CEP120: variants seen among roughly 807,000 people sequenced by gnomAD.
CEP120 encodes the protein centrosomal protein 120.
CEP120 carries 113 observed loss-of-function variants against 126.5 expected under a neutral mutation model. The ratio of observed to expected loss-of-function variants is 0.89; its 90% CI spans 0.77 to 1.04. The LOEUF is 1.04. Ranked by LOEUF, CEP120 falls within the 50% of genes least tolerant of loss-of-function variation. CEP120 has a pLI of 0.00. For missense variants in CEP120, 1,230 were observed against 1,155.7 expected, an observed-to-expected ratio of 1.06 and a Z score of -0.93; for synonymous variants, 400 against 394.3, an observed-to-expected ratio of 1.01 and a Z score of -0.17.
intron 18 of CEP120, among the ~76,000 whole-genome samples, chr5:123,354,089 T>TC (rs2126975744): frequency 6.6e-6 from 1 of 152,234 alleles, no homozygotes. Context: ...TTTCACTAAA[T>TC]CCCACACTTT....
intron 4 of CEP120, among the ~76,000 whole-genome samples, chr5:123,400,017 G>C (rs1773070528): frequency 6.6e-6 from 1 of 152,164 alleles, no homozygotes; most frequent in African/African-American, 2.4e-5. Flanking sequence ...GCAGGAAAGT[G>C]AATGCTCTCA....
In CEP120 at chr5:123,422,974, G is replaced by A; in HGVS notation, c.25C>T (p.Leu9Phe). The A allele has an allele frequency of 6.2e-7, 1 of 1,614,176 alleles. No individual in the cohort carries two copies. Among genetic ancestry groups the A allele is most frequent in the Non-Finnish European group, 8.5e-7 (1 of 1,180,016 alleles). Residue 9 changes from leucine (L) to phenylalanine (F), a missense_variant, in exon 1 of 20, where the codon CTC becomes TTC. Leu to Phe is a conservative substitution (Grantham distance 22). Transcript: ENST00000306467. ...CCTTCTAGGATGGACACGACGATGAGCAATTGGTCGGATTTGGAGACCATG... is the reference window on the plus strand; with the variant it reads ...CCTTCTAGGATGGACACGACGATGAACAATTGGTCGGATTTGGAGACCATG... MVSKSDQL[L>F]IVVSILEGRH...
rs114314551 is a variant in CEP120, at chr5:123,363,396, A to G, written c.2580+1100T>C. ...TACTAAATTGCAAGCTCTGTGATGG[A>G]AAGGCCTATGTCTTGCATATATTTA... On this transcript the variant is annotated intron_variant, in intron 18 of 19. Coordinates refer to ENST00000306467, the MANE Select transcript of CEP120 (RefSeq NM_001375405.1). 2.1e-3 allele frequency among the ~76,000 whole-genome samples: 323 copies of G among 151,742 alleles called. 3 individuals carry two copies. Among genetic ancestry groups the G allele is most frequent in the African/African-American group, 7.4e-3 (307 of 41,502 alleles).
Position 123,349,654 on chromosome 5 carries a change from T to C in CEP120, c.2726+290A>G, listed in dbSNP as rs2115173. 0.41 allele frequency among the ~76,000 whole-genome samples: 62,334 copies of C among 151,904 alleles called. 12,834 individuals are homozygous for C. Among genetic ancestry groups the C allele is most frequent in the East Asian group, 0.48 (2,445 of 5,136 alleles). On this transcript the variant is annotated intron_variant, in intron 19 of 19. Transcript: ENST00000306467. ...TAGACTTTTTTTCTTTCTTTTTAGA[T>C]TTGACACAAGGTCTCACTCTGTCAC...
rs1011095890 is a variant in CEP120 at position 123,421,056 on chromosome 5, G to C, written c.49+1894C>G. Among the ~76,000 whole-genome samples, 3 of 152,294 alleles carry C rather than the reference G, an allele frequency of 2.0e-5. No individual in the cohort carries two copies. The South Asian group carries it at 6.2e-4, about 32-fold the overall frequency. ...AACCTAACAGACATCCTTGACTCCA[G>C]GTTCTCTTCCTTGCACACTGCTACT... On this transcript the variant is annotated intron_variant, in intron 1 of 19. Coordinates refer to ENST00000306467, the MANE Select transcript of CEP120 (RefSeq NM_001375405.1).
rs185643898 is a variant in CEP120 at position 123,378,528 on chromosome 5, G to A, written c.2104-100C>T. On this transcript the variant is annotated intron_variant, in intron 14 of 19. Coordinates refer to ENST00000306467, the MANE Select transcript of CEP120 (RefSeq NM_001375405.1). Reference sequence around the variant, plus strand: ...ATACACATCATTTCACTGAAACAGAGGACCTAAGAATAGGAAAGTCACAAA... The same window carrying A: ...ATACACATCATTTCACTGAAACAGAAGACCTAAGAATAGGAAAGTCACAAA... 4 of 599,568 alleles carry A rather than the reference G, an allele frequency of 6.7e-6. No individual in the cohort carries two copies. The South Asian group carries it at 1.0e-4, about 15-fold the overall frequency. The allele number at this position is 599,568 out of a possible 1,614,324, so 37.1% of individuals were successfully genotyped here. A position where few individuals can be genotyped will look rare whatever the true frequency, so the allele number is the denominator to read the frequency against.
At chr5:123,377,820 G>C (rs1044369037) in intron 15 of CEP120, among the ~76,000 whole-genome samples, 6 of 152,076 alleles carry the variant, frequency 3.9e-5, no homozygotes, top group African/African-American at 1.4e-4. Flanking sequence ...CTTTTTAAGT[G>C]TGTAAGCAAA....
chr5:123,351,047 A>G (rs1769167137), intron 18 of CEP120, among the ~76,000 whole-genome samples: 1 of 152,076 alleles, frequency 6.6e-6, no homozygotes, highest in East Asian at 1.9e-4. Flanking sequence ...TTTGTTAACT[A>G]TTTTTTTAAA....
intron 14 of CEP120, among the ~76,000 whole-genome samples, chr5:123,380,370 G>C (rs1314807262): frequency 6.6e-6 from 1 of 152,010 alleles, no homozygotes; most frequent in African/African-American, 2.4e-5. Context: ...CTCAATCTCA[G>C]ATCTACCTTT....
chr5:123,372,029 T>C (rs547517419), intron 17 of CEP120, among the ~76,000 whole-genome samples: 5 of 152,212 alleles, frequency 3.3e-5, no homozygotes, highest in African/African-American at 1.2e-4. Context: ...CACCTGAACA[T>C]TGTTTGTGGA....
intron 1 of CEP120, 126 bp downstream of exon 1, chr5:123,422,824 A>C: frequency 1.1e-6 from 1 of 921,548 alleles, no homozygotes; most frequent in Non-Finnish European, 1.8e-6. Flanking sequence ...ACAACTTTGA[A>C]CAAGTCTGTG....
Position 123,347,484 on chromosome 5 carries a change from T to C in CEP120, c.2727-731A>G, listed in dbSNP as rs534834151. On this transcript the variant is annotated intron_variant, in intron 19 of 19. Transcript: ENST00000306467. Reference sequence around the variant, plus strand: ...TTACATATGCCTAGTTCAAAGGGCATATGCATGTTAAGGTTTTGTATGGAT... The same window carrying C: ...TTACATATGCCTAGTTCAAAGGGCACATGCATGTTAAGGTTTTGTATGGAT... Among the ~76,000 whole-genome samples, 39 of 152,294 alleles carry C rather than the reference T, an allele frequency of 2.6e-4. No individual in the cohort carries two copies. In the South Asian group the frequency reaches 4.1e-3, roughly 16 times the overall value.
chr5:123,410,016 A>ACACAC (rs1773944116), intron 4 of CEP120, among the ~76,000 whole-genome samples: 6 of 149,622 alleles, frequency 4.0e-5, no homozygotes, highest in South Asian at 4.3e-4. Flanking sequence ...ACACACACAC[A>ACACAC]AGTGATTATA....
intron 2 of CEP120, among the ~76,000 whole-genome samples, chr5:123,417,167 A>T (rs1774437857): frequency 6.6e-6 from 1 of 152,230 alleles, no homozygotes; most frequent in South Asian, 2.1e-4. Flanking sequence ...AACAGCTCAT[A>T]GCAGGACTCC....
At chr5:123,355,961 G>A (rs935182669) in intron 18 of CEP120, among the ~76,000 whole-genome samples, 1 of 151,722 alleles carries the variant, frequency 6.6e-6, no homozygotes, top group East Asian at 1.9e-4. Flanking sequence ...TGTATAAGGT[G>A]TAAGGAAGGG....
At chr5:123,386,158 A>C (rs78591042) in intron 10 of CEP120, among the ~76,000 whole-genome samples, 4,257 of 152,260 alleles carry the variant, frequency 0.028, 197 homozygotes, top group African/African-American at 0.096. Flanking sequence ...CATTCAGTGA[A>C]TCAACAATAA....
intron 5 of CEP120, among the ~76,000 whole-genome samples, chr5:123,396,935 G>A (rs115068139): frequency 2.1e-4 from 32 of 152,268 alleles, no homozygotes; most frequent in African/African-American, 7.5e-4. Flanking sequence ...CAGAGTGGGT[G>A]GCACAATGTC....
chr5:123,421,682 C>T (rs544871936), intron 1 of CEP120, among the ~76,000 whole-genome samples: 1 of 146,610 alleles, frequency 6.8e-6, no homozygotes, highest in African/African-American at 2.5e-5. Context: ...CCTGTGATCT[C>T]CCCACGTGGA....
At chr5:123,408,581 A>G (rs1031099023) in intron 4 of CEP120, among the ~76,000 whole-genome samples, 2 of 152,146 alleles carry the variant, frequency 1.3e-5, no homozygotes, top group African/African-American at 4.8e-5. Context: ...GTAAATAGAC[A>G]ATCTGAATAG....
Sources: allele counts gnomAD v4.1 joint callset (sites outside exome capture counted in the v4.1 genomes callset), GRCh38; gene constraint gnomAD v4.1.1; transcripts MANE v1.5; gene names NCBI Gene and HGNC (gene_info 2026-07-23, HGNC 2026-07-21).